The following LAMB3 variants were observed in gnomAD, a reference collection of about 807,000 sequenced individuals.
LAMB3 encodes the protein laminin subunit beta-3.
Under a neutral mutation model 140.3 loss-of-function variants are expected in LAMB3, and 104 were observed. The ratio of observed to expected loss-of-function variants is 0.74; its 90% CI spans 0.63 to 0.87. LAMB3 has a LOEUF of 0.87. Ranked by LOEUF, LAMB3 falls within the 40% of genes least tolerant of loss-of-function variation. The probability of loss-of-function intolerance (pLI) is 0.00; values close to 1 mark genes in which losing one functional copy is unlikely to be tolerated. For synonymous variants in LAMB3, 592 were observed against 602.9 expected, an observed-to-expected ratio of 0.98 and a Z score of 0.26; for missense variants, 1,531 against 1,575.2, an observed-to-expected ratio of 0.97 and a Z score of 0.47.
At position 209,625,903 on chromosome 1, in the gene LAMB3, C is replaced by T. The variant is rs370280436; in HGVS notation, c.1721G>A (p.Arg574His). Residue 574 changes from arginine (R) to histidine (H), a missense_variant, in exon 14 of 23, where the codon CGC (arginine) becomes CAC (histidine). By Grantham distance (29) the Arg-to-His change is conservative. Transcript: ENST00000356082. ...GTGGCAGGCCACGCACACCGGGTAG[C>T]GATTACAGTAGCCTCGCTGGCACTG... ...CDQCQRGYCNRYPVCVACHPC... is the reference protein window; with the variant it reads ...CDQCQRGYCNHYPVCVACHPC... The T allele has an allele frequency of 9.1e-5, 147 of 1,613,698 alleles. No homozygotes were observed. Among genetic ancestry groups the T allele is most frequent in the Non-Finnish European group, 1.2e-4 (143 of 1,179,906 alleles).
chr1:209,619,914 T>C (rs1246644426), intron 18 of LAMB3, among the ~76,000 whole-genome samples: 2 of 152,218 alleles, frequency 1.3e-5, no homozygotes, highest in Non-Finnish European at 2.9e-5. Flanking sequence ...ATAACTGTGG[T>C]TGAGTTTCAT....
intron 6 of LAMB3, among the ~76,000 whole-genome samples, chr1:209,633,748 C>T (rs1293282474): frequency 1.3e-5 from 2 of 152,146 alleles, no homozygotes; most frequent in African/African-American, 2.4e-5. Flanking sequence ...CATAGAGGGC[C>T]CCACTCTGAG....
At chr1:209,646,198 C>A (rs2076516545) in intron 3 of LAMB3, among the ~76,000 whole-genome samples, 1 of 152,182 alleles carries the variant, frequency 6.6e-6, no homozygotes, top group Non-Finnish European at 1.5e-5. Flanking sequence ...GGATGGAAAG[C>A]TTTCCGGCAA....
chr1:209,616,400 G>A lies in LAMB3; in HGVS notation c.3382+71C>T. On this transcript the variant is annotated intron_variant, in intron 22 of 22. Transcript: ENST00000356082. ...CTAGCTCCAATAAGAACGGGCTTCA[G>A]AAGCCTTGGGTTGGGTGGGACCAGC... 5 of 1,575,856 alleles carry A rather than the reference G, an allele frequency of 3.2e-6. No individual in the cohort carries two copies. In the South Asian group the frequency reaches 5.5e-5, roughly 17 times the overall value.
rs149080888 is a variant in LAMB3, at chr1:209,637,853, G to A, written c.372+55C>T. 1.4e-3 allele frequency: 1,963 copies of A among 1,409,042 alleles called. 6 individuals are homozygous for A. Among genetic ancestry groups the A allele is most frequent in the Non-Finnish European group, 1.6e-3 (1,638 of 1,006,082 alleles). The allele number at this position is 1,409,042 out of a possible 1,614,324, so 87.3% of individuals were successfully genotyped here. Reference sequence around the variant, plus strand: ...ACACTGTGCTCCTCCATGGCTCCACGCCCACATGGCCCAGGAGCCCCTCTC... The same window carrying A: ...ACACTGTGCTCCTCCATGGCTCCACACCCACATGGCCCAGGAGCCCCTCTC... On this transcript the variant is annotated intron_variant, in intron 5 of 22. Transcript: ENST00000356082.
At position 209,625,667 on chromosome 1, in the gene LAMB3, T is replaced by G. The variant is rs917232621; in HGVS notation, c.1957A>C (p.Ser653Arg). Residue 653 changes from serine to arginine, a missense_variant, in exon 14 of 23, where the codon AGT becomes CGT. Physicochemically the swap from Ser to Arg is moderately radical, Grantham distance 110. Transcript: ENST00000356082. ...VTEQEVAQVA[S>R]AILSLRRTLQ... The stretch of plus-strand genomic sequence containing the variant: ...AATTACCTGAGGGAGAGGATGGCAC[T>G]GGCCACCTGAGCCACCTCCTGCTCT... The G allele has an allele frequency of 1.9e-6, 3 of 1,614,016 alleles. No individual in the cohort carries two copies. Among genetic ancestry groups the G allele is most frequent in the Non-Finnish European group, 2.5e-6 (3 of 1,180,042 alleles).
intron 11 of LAMB3, among the ~76,000 whole-genome samples, chr1:209,627,793 G>A (rs1401616890): frequency 6.6e-6 from 1 of 152,234 alleles, no homozygotes. Flanking sequence ...CCATCTGGCT[G>A]ACTCAGTCCC....
At chr1:209,629,639 G>C in intron 10 of LAMB3, 98 bp downstream of exon 10, 1 of 1,169,688 alleles carries the variant, frequency 8.5e-7, no homozygotes, top group African/African-American at 1.5e-5. Flanking sequence ...TGCTCCCTGA[G>C]GGCCTTGGTG....
At chr1:209,642,952 G>T (rs937058095) in intron 3 of LAMB3, among the ~76,000 whole-genome samples, 1 of 152,204 alleles carries the variant, frequency 6.6e-6, no homozygotes, top group Non-Finnish European at 1.5e-5. Flanking sequence ...GTCCACGTGT[G>T]CAGGCACTGA....
intron 18 of LAMB3, among the ~76,000 whole-genome samples, chr1:209,619,069 C>A (rs1360375645): frequency 1.3e-5 from 2 of 152,196 alleles, no homozygotes; most frequent in Non-Finnish European, 2.9e-5. Flanking sequence ...CAAAAAGACC[C>A]CTTCCCTGCA....
chr1:209,630,674 G>A lies in LAMB3; in HGVS notation c.884C>T (p.Pro295Leu). ...TCTCCAGGGCCGGTTGTTGTAGAAG[G>A]GTGCACAGCGCTCACAATTTGGGCC... ...TAGPNCERCA[P>L]FYNNRPWRPA... The change falls in exon 9 of 23, where the codon CCC (proline) becomes CTC (leucine). Residue 295 changes from proline to leucine, a missense_variant. Physicochemically the swap from Pro to Leu is moderately conservative, Grantham distance 98. Transcript: ENST00000356082. 1 of 1,614,026 alleles carries A rather than the reference G, an allele frequency of 6.2e-7. No individual in the cohort carries two copies.
rs143062098 is a variant in LAMB3 at position 209,634,205 on chromosome 1, CA to C, written c.564+241del. Among the ~76,000 whole-genome samples the C allele has an allele frequency of 7.4e-3, 1,132 of 152,200 alleles. 13 individuals carry two copies. The highest frequency in any genetic ancestry group is 0.026 in the African/African-American group (1,076 of 41,528). Reference sequence around the variant, plus strand: ...CGGGGGAGGGGGCTGTGGAAGACGGCAGGGGTGAGTAATGCGGTGGCCCCAA... The same window carrying C: ...CGGGGGAGGGGGCTGTGGAAGACGGCGGGGTGAGTAATGCGGTGGCCCCAA... On this transcript the variant is annotated intron_variant, in intron 6 of 22. Transcript: ENST00000356082.
At chr1:209,645,095 C>A (rs2076504231) in intron 3 of LAMB3, among the ~76,000 whole-genome samples, 1 of 152,172 alleles carries the variant, frequency 6.6e-6, no homozygotes, top group African/African-American at 2.4e-5. Context: ...CAATTAGGAC[C>A]CAAGAATCTC....
At chr1:209,647,183 G>A (rs1449464274) in intron 3 of LAMB3, among the ~76,000 whole-genome samples, 1 of 152,248 alleles carries the variant, frequency 6.6e-6, no homozygotes, top group Non-Finnish European at 1.5e-5. Flanking sequence ...ACATGGACCC[G>A]GAATTTACAG....
intron 3 of LAMB3, among the ~76,000 whole-genome samples, chr1:209,644,729 C>T (rs548528078): frequency 1.4e-4 from 22 of 152,262 alleles, no homozygotes; most frequent in African/African-American, 5.3e-4. Flanking sequence ...TTCATTCCAC[C>T]CCACTGGAAA....
chr1:209,643,819 A>T (rs1484817550), intron 3 of LAMB3, among the ~76,000 whole-genome samples: 1 of 152,228 alleles, frequency 6.6e-6, no homozygotes, highest in South Asian at 2.1e-4. Flanking sequence ...AAAAAAAAAA[A>T]AAAATCTAGC....
intron 14 of LAMB3, 80 bp downstream of exon 14, chr1:209,625,568 G>A (rs951892073): frequency 7.1e-6 from 11 of 1,541,512 alleles, no homozygotes; most frequent in Non-Finnish European, 9.9e-6. Flanking sequence ...CTGTACAAAT[G>A]TAAGGAAGGA....
At chr1:209,617,703 C>A (rs1193976125) in intron 20 of LAMB3, 117 bp from the exon 21 acceptor site, 32 of 1,316,200 alleles carry the variant, frequency 2.4e-5, no homozygotes, top group African/African-American at 4.4e-5. Flanking sequence ...AGAACAAACA[C>A]AATTGCCCAC....
At chr1:209,633,561 T>TCA (rs752548273) in intron 6 of LAMB3, among the ~76,000 whole-genome samples, 4 of 143,908 alleles carry the variant, frequency 2.8e-5, no homozygotes, top group Non-Finnish European at 6.1e-5. Flanking sequence ...TTTGATTTAT[T>TCA]CAAAAAAAAA....
Sources: allele counts gnomAD v4.1 joint callset (sites outside exome capture counted in the v4.1 genomes callset), GRCh38; gene constraint gnomAD v4.1.1; transcripts MANE v1.5; gene names NCBI Gene and HGNC (gene_info 2026-07-23, HGNC 2026-07-21).